COL25A1: variants seen among roughly 807,000 people sequenced by gnomAD.
The protein encoded by COL25A1 is collagen type XXV alpha 1 chain.
A neutral mutation model predicts 128.4 loss-of-function variants in COL25A1; 103 were observed. The ratio of observed to expected loss-of-function variants is 0.80; its 90% CI spans 0.68 to 0.94. The LOEUF (loss-of-function observed/expected upper bound fraction) is 0.94, where lower values mean the gene tolerates loss of function less well. COL25A1 is among the 40% of genes least tolerant of loss of function. The probability of loss-of-function intolerance (pLI) is 0.00; values close to 1 mark genes in which losing one functional copy is unlikely to be tolerated. For missense variants in COL25A1, 745 were observed against 840.0 expected (o/e 0.89, Z 1.40); for synonymous variants, 279 against 277.2 (o/e 1.01, Z -0.06).
intron 11 of COL25A1, among the ~76,000 whole-genome samples, chr4:108,933,287 T>G (rs2125917301): frequency 6.6e-6 from 1 of 152,308 alleles, no homozygotes; most frequent in Admixed American, 6.5e-5. Context: ...AAGGCCCTTA[T>G]GTAAGCAAGC....
intron 11 of COL25A1, among the ~76,000 whole-genome samples, chr4:108,935,608 G>A (rs1424828257): frequency 6.6e-6 from 1 of 151,740 alleles, no homozygotes; most frequent in Non-Finnish European, 1.5e-5. Context: ...AGAGTTTAAA[G>A]AGTCAAGAAA....
At chr4:108,963,278 A>T in intron 8 of COL25A1, among the ~76,000 whole-genome samples, 1 of 152,300 alleles carries the variant, frequency 6.6e-6, no homozygotes, top group South Asian at 2.1e-4. Flanking sequence ...TCCAGTTGCA[A>T]CTATAATTCT....
At chr4:108,908,195 A>G (rs1039830531) in intron 13 of COL25A1, among the ~76,000 whole-genome samples, 1 of 152,176 alleles carries the variant, frequency 6.6e-6, no homozygotes, top group African/African-American at 2.4e-5. Context: ...CAGGTGGTTC[A>G]GTCAATTCTT....
At chr4:108,855,954 A>G (rs1394000344) in intron 24 of COL25A1, among the ~76,000 whole-genome samples, 5 of 152,156 alleles carry the variant, frequency 3.3e-5, no homozygotes, top group Non-Finnish European at 7.4e-5. Context: ...AACTCAAATA[A>G]TGATTTGAAA....
chr4:109,016,905 C>T (rs1276853444), intron 5 of COL25A1, among the ~76,000 whole-genome samples: 1 of 152,174 alleles, frequency 6.6e-6, no homozygotes, highest in African/African-American at 2.4e-5. Context: ...AACTTGAGAC[C>T]CAACAAATGG....
At chr4:109,050,079 A>G in intron 4 of COL25A1, 56 bp downstream of exon 4, 1 of 1,426,956 alleles carries the variant, frequency 7.0e-7, no homozygotes, top group Non-Finnish European at 9.8e-7. Context: ...GGAAGAACAG[A>G]TGCCGGAACT....
chr4:109,117,499 A>ATATTAGAAG (rs1402123618), intron 3 of COL25A1, among the ~76,000 whole-genome samples: 1 of 152,018 alleles, frequency 6.6e-6, no homozygotes, highest in Non-Finnish European at 1.5e-5. Flanking sequence ...CTTGCAATAA[A>ATATTAGAAG]TATTAGAAGT....
chr4:109,158,598 C>T (rs1245394514), intron 3 of COL25A1, among the ~76,000 whole-genome samples: 2 of 152,126 alleles, frequency 1.3e-5, no homozygotes, highest in African/African-American at 2.4e-5. Context: ...CGTGGCCCTG[C>T]CCTCAAGACT....
intron 20 of COL25A1, 51 bp downstream of exon 20, chr4:108,869,036 GA>G (rs1446077449): frequency 7.3e-6 from 8 of 1,099,832 alleles, no homozygotes; most frequent in Non-Finnish European, 1.1e-5. Flanking sequence ...AAGGAAGGAA[GA>G]AAAGAAAGAA....
intron 8 of COL25A1, among the ~76,000 whole-genome samples, chr4:108,959,021 T>C (rs928957698): frequency 2.0e-5 from 3 of 152,120 alleles, no homozygotes; most frequent in Non-Finnish European, 4.4e-5. Flanking sequence ...TCTATGTGTT[T>C]GTATATTTTG....
At chr4:109,175,658 A>G (rs375977201) in intron 3 of COL25A1, among the ~76,000 whole-genome samples, 114 of 152,312 alleles carry the variant, frequency 7.5e-4, no homozygotes, top group African/African-American at 2.3e-3. Context: ...AATTTTTAGG[A>G]ATAGTTTTAA....
At chr4:108,985,635 A>T (rs1416186378) in intron 6 of COL25A1, among the ~76,000 whole-genome samples, 2 of 152,230 alleles carry the variant, frequency 1.3e-5, no homozygotes, top group Non-Finnish European at 2.9e-5. Context: ...CTCAAGGCAT[A>T]AGAGAGGAGT....
intron 3 of COL25A1, among the ~76,000 whole-genome samples, chr4:109,079,808 G>A (rs1279256594): frequency 6.6e-6 from 1 of 151,068 alleles, no homozygotes; most frequent in Non-Finnish European, 1.5e-5. Context: ...GAGTTCAAGC[G>A]AGTTAAAACT....
At chr4:109,238,163 T>C (rs1238500478) in intron 3 of COL25A1, among the ~76,000 whole-genome samples, 1 of 152,118 alleles carries the variant, frequency 6.6e-6, no homozygotes, top group Non-Finnish European at 1.5e-5. Context: ...TTCATTTCCC[T>C]TGAGGTATAC....
intron 3 of COL25A1, among the ~76,000 whole-genome samples, chr4:109,153,152 G>A (rs1288150432): frequency 6.6e-6 from 1 of 152,040 alleles, no homozygotes; most frequent in Non-Finnish European, 1.5e-5. Flanking sequence ...TTGGGAGGCC[G>A]AGGTGGGTGG....
At chr4:109,092,924 A>G (rs1038092276) in intron 3 of COL25A1, among the ~76,000 whole-genome samples, 2 of 152,092 alleles carry the variant, frequency 1.3e-5, no homozygotes, top group Non-Finnish European at 2.9e-5. Flanking sequence ...AAAATAACCT[A>G]TATTCATAGG....
At chr4:109,102,208 T>A (rs1189524574) in intron 3 of COL25A1, among the ~76,000 whole-genome samples, 1 of 152,168 alleles carries the variant, frequency 6.6e-6, no homozygotes, top group Non-Finnish European at 1.5e-5. Flanking sequence ...TAAAATATAA[T>A]GTATAAAACT....
At chr4:108,879,356 T>C (rs1211446603) in intron 19 of COL25A1, among the ~76,000 whole-genome samples, 1 of 150,954 alleles carries the variant, frequency 6.6e-6, no homozygotes, top group Non-Finnish European at 1.5e-5. Flanking sequence ...CATATGTTTT[T>C]TACTGTATTA....
chr4:108,846,175 T>C lies in COL25A1; in HGVS notation c.1479A>G (p.Thr493=), dbSNP rs746841347. 6.2e-7 allele frequency: 1 copy of C among 1,613,128 alleles called. No individual in the cohort carries two copies. The highest frequency in any genetic ancestry group is 8.5e-7 in the Non-Finnish European group (1 of 1,179,106). The change falls in exon 28 of 38, where the codon ACA becomes ACG. Residue 493 remains threonine (T), a synonymous_variant. Coordinates refer to ENST00000399132, the MANE Select transcript of COL25A1 (RefSeq NM_198721.4). ...SKGDMGDPGM[T]GEKGGIGLPG... ...GAAGTCCAATTCCTCCTTTTTCACC[T>C]GTCATACCTGGGTCCCCCATGTCTC...
Sources: allele counts gnomAD v4.1 joint callset (sites outside exome capture counted in the v4.1 genomes callset), GRCh38; gene constraint gnomAD v4.1.1; transcripts MANE v1.5; gene names NCBI Gene and HGNC (gene_info 2026-07-23, HGNC 2026-07-21).